The following SOX6 variants were observed in gnomAD, a reference collection of about 807,000 sequenced individuals.
SOX6 encodes transcription factor SOX-6.
In SOX6, 11 loss-of-function variants were observed where a neutral mutation model predicts 97.8. The ratio of observed to expected loss-of-function variants is 0.11; its 90% CI spans 0.07 to 0.19. SOX6 has a LOEUF of 0.19. Among genes scored for constraint, SOX6 ranks in the 10% least tolerant of loss-of-function variants. SOX6 has a pLI of 1.00. For missense variants in SOX6, 810 were observed against 1,039.5 expected (o/e 0.78, Z 3.04); for synonymous variants, 360 against 371.4 (o/e 0.97, Z 0.35).
intron 4 of SOX6, among the ~76,000 whole-genome samples, chr11:16,592,743 T>C (rs1401046736): frequency 2.0e-5 from 3 of 152,008 alleles, no homozygotes; most frequent in African/African-American, 7.2e-5. Context: ...AACTAGCACA[T>C]ATACAAATCA....
At chr11:16,186,708 C>A in intron 5 of SOX6, 75 bp downstream of exon 5, 1 of 1,477,098 alleles carries the variant, frequency 6.8e-7, no homozygotes, top group Non-Finnish European at 9.5e-7. Flanking sequence ...AACAAATAAG[C>A]CAATCAATTT....
intron 1 of SOX6, among the ~76,000 whole-genome samples, chr11:16,469,408 A>C (rs546428459): frequency 6.6e-6 from 1 of 152,132 alleles, no homozygotes; most frequent in Admixed American, 6.5e-5. Flanking sequence ...GTAAGGTCTT[A>C]CTTTAAATGT....
intron 4 of SOX6, among the ~76,000 whole-genome samples, chr11:16,593,863 G>C (rs1382982320): frequency 6.6e-6 from 1 of 152,044 alleles, no homozygotes; most frequent in Non-Finnish European, 1.5e-5. Flanking sequence ...AAAAGCCCAA[G>C]CTCTTAACAC....
chr11:16,508,210 G>T (rs551125132), intron 4 of SOX6, among the ~76,000 whole-genome samples: 60 of 152,222 alleles, frequency 3.9e-4, no homozygotes, highest in African/African-American at 1.4e-3. Context: ...TCTTACTGCA[G>T]CTAGAATGGC....
intron 9 of SOX6, among the ~76,000 whole-genome samples, chr11:16,075,223 G>A (rs1368363542): frequency 6.6e-6 from 1 of 152,070 alleles, no homozygotes; most frequent in African/African-American, 2.4e-5. Context: ...CCCAAGACTG[G>A]GTAATTTATA....
rs1302783932 is a variant in SOX6 at position 16,318,546 on chromosome 11, A to G, written c.345T>C (p.Val115=). 1.2e-6 allele frequency: 2 copies of G among 1,613,734 alleles called. No homozygotes were observed. The highest frequency in any genetic ancestry group is 1.7e-6 in the Non-Finnish European group (2 of 1,179,794). ...GSRDREIMTS[V]TFGTPERRKG... ...TGCGGCGCTCTGGGGTTCCAAAAGT[A>G]ACACTGGTCATTATCTCACGGTCCC... The change falls in exon 3 of 16, where the codon GTT becomes GTC. Residue 115 remains valine (V), a synonymous_variant. Transcript: ENST00000683767.
chr11:16,199,515 G>T (rs1197429647), intron 4 of SOX6, among the ~76,000 whole-genome samples: 1 of 152,072 alleles, frequency 6.6e-6, no homozygotes, highest in Non-Finnish European at 1.5e-5. Context: ...CCTCTTTTCA[G>T]TAAACTATAA....
At chr11:16,055,029 T>C (rs1435808053) in intron 10 of SOX6, among the ~76,000 whole-genome samples, 2 of 152,228 alleles carry the variant, frequency 1.3e-5, no homozygotes, top group South Asian at 2.1e-4. Context: ...GTTTATCCTA[T>C]CACAACTATA....
chr11:16,321,226 T>C (rs1317055756), intron 2 of SOX6, among the ~76,000 whole-genome samples: 2 of 151,828 alleles, frequency 1.3e-5, no homozygotes, highest in Non-Finnish European at 2.9e-5. Flanking sequence ...CTTCAGTTGC[T>C]TTTATTTCAG....
chr11:16,080,293 T>C lies in SOX6; in HGVS notation c.1101+15703A>G, dbSNP rs550659600. ...AAAAAAAAAGACTGAAAAAGAAATTTAGAAAAAATGAGGTCTTACAAGTTT... is the reference window on the plus strand; with the variant it reads ...AAAAAAAAAGACTGAAAAAGAAATTCAGAAAAAATGAGGTCTTACAAGTTT... On this transcript the variant is annotated intron_variant, in intron 9 of 15. Transcript: ENST00000683767. 2.4e-3 allele frequency among the ~76,000 whole-genome samples: 362 copies of C among 150,368 alleles called. 1 individual carries two copies. The highest frequency in any genetic ancestry group is 7.8e-3 in the African/African-American group (322 of 41,108).
At chr11:16,561,762 C>T (rs1181008254) in intron 4 of SOX6, among the ~76,000 whole-genome samples, 1 of 152,122 alleles carries the variant, frequency 6.6e-6, no homozygotes, top group African/African-American at 2.4e-5. Context: ...TGGTCTCTCA[C>T]TCTGTCACCC....
intron 2 of SOX6, among the ~76,000 whole-genome samples, chr11:16,731,434 G>A (rs1398985569): frequency 6.6e-6 from 1 of 152,184 alleles, no homozygotes; most frequent in Non-Finnish European, 1.5e-5. Flanking sequence ...TGCAAGGCTG[G>A]TTCAACATAC....
chr11:16,516,438 G>A (rs542818924), intron 4 of SOX6, among the ~76,000 whole-genome samples: 1 of 152,230 alleles, frequency 6.6e-6, no homozygotes, highest in East Asian at 1.9e-4. Flanking sequence ...TGAGCTTAAG[G>A]AGATTTTGGG....
intron 8 of SOX6, 120 bp downstream of exon 8, chr11:16,097,489 C>T (rs1365813460): frequency 1.2e-6 from 1 of 841,782 alleles, no homozygotes; most frequent in Non-Finnish European, 2.0e-6. Context: ...GGTGTTAATC[C>T]TTCTGGGCTA....
intron 1 of SOX6, among the ~76,000 whole-genome samples, chr11:16,353,658 G>A (rs1590151628): frequency 6.6e-6 from 1 of 152,012 alleles, no homozygotes; most frequent in Non-Finnish European, 1.5e-5. Context: ...AGGAGAACAT[G>A]AGAATCCAAT....
At chr11:16,040,181 G>A (rs1458326045) in intron 12 of SOX6, among the ~76,000 whole-genome samples, 1 of 151,882 alleles carries the variant, frequency 6.6e-6, no homozygotes, top group Admixed American at 6.6e-5. Flanking sequence ...AAAACTCAAG[G>A]CTTTATATTT....
chr11:16,232,886 T>TC (rs1852902219), intron 4 of SOX6, among the ~76,000 whole-genome samples: 1 of 152,100 alleles, frequency 6.6e-6, no homozygotes, highest in South Asian at 2.1e-4. Context: ...AAGTTGAGTT[T>TC]CTTTTTTTTT....
chr11:15,995,338 A>G (rs1416065222), intron 13 of SOX6, among the ~76,000 whole-genome samples: 6 of 152,234 alleles, frequency 3.9e-5, no homozygotes, highest in Admixed American at 3.3e-4. Context: ...AAGACTAAAA[A>G]CAAAATTAAA....
chr11:15,984,016 G>T (rs1382363726), intron 15 of SOX6, among the ~76,000 whole-genome samples: 1 of 152,094 alleles, frequency 6.6e-6, no homozygotes, highest in Non-Finnish European at 1.5e-5. Context: ...TCAGTCATTT[G>T]GCATGATGGG....
Sources: gnomAD v4.1 joint callset for allele counts (sites outside exome capture counted in the v4.1 genomes callset) on GRCh38, gnomAD v4.1.1 for gene constraint, MANE v1.5 for transcripts, NCBI Gene and HGNC (gene_info 2026-07-23, HGNC 2026-07-21) for gene names.